Variants in PTPRD observed in about 807,000 individuals in gnomAD.
PTPRD encodes receptor-type tyrosine-protein phosphatase delta.
PTPRD carries 34 observed loss-of-function variants against 214.5 expected under a neutral mutation model. The observed-to-expected ratio is 0.16, with a 90% CI of 0.12 to 0.21. PTPRD has a LOEUF of 0.21. Among genes scored for constraint, PTPRD ranks in the 10% least tolerant of loss-of-function variants. The probability of loss-of-function intolerance (pLI) is 1.00; values close to 1 mark genes in which losing one functional copy is unlikely to be tolerated. For missense variants in PTPRD, 2,545 were observed against 2,398.7 expected (o/e 1.06, Z -1.27); for synonymous variants, 1,128 against 845.7 (o/e 1.33, Z -5.79).
intron 7 of PTPRD, among the ~76,000 whole-genome samples, chr9:9,606,372 T>G (rs2094153789): frequency 6.6e-6 from 1 of 152,106 alleles, no homozygotes; most frequent in South Asian, 2.1e-4. Context: ...CAGCAATTTC[T>G]TTAAAACATA....
rs569599203 is a variant in PTPRD at position 9,571,545 on chromosome 9, AG to A, written c.-237+3186del. Among the ~76,000 whole-genome samples the A allele has an allele frequency of 2.6e-3, 400 of 151,416 alleles. 1 individual carries two copies. Among genetic ancestry groups the A allele is most frequent in the African/African-American group, 9.2e-3 (382 of 41,504 alleles). ...TATTCTGATATTTTAATGATGCTGT[AG>A]AACATTCATATTGCATACTTTTGGT... is the stretch of plus-strand genomic sequence containing the variant. On this transcript the variant is annotated intron_variant, in intron 8 of 45. Coordinates refer to ENST00000381196, the MANE Select transcript of PTPRD (RefSeq NM_002839.4).
At chr9:8,805,438 C>CAA (rs1167740081) in intron 11 of PTPRD, among the ~76,000 whole-genome samples, 2 of 151,162 alleles carry the variant, frequency 1.3e-5, no homozygotes, top group African/African-American at 2.4e-5. Context: ...CATCTTTATA[C>CAA]AATAATCGTA....
intron 12 of PTPRD, among the ~76,000 whole-genome samples, chr9:8,661,155 CT>C (rs1239863560): frequency 6.6e-6 from 1 of 152,040 alleles, no homozygotes; most frequent in Admixed American, 6.6e-5. Flanking sequence ...CCCTTACAAG[CT>C]GAAGAGACAA....
chr9:9,218,876 C>T (rs1593839090), intron 9 of PTPRD, among the ~76,000 whole-genome samples: 1 of 152,092 alleles, frequency 6.6e-6, no homozygotes, highest in Non-Finnish European at 1.5e-5. Context: ...CTGCAACCTC[C>T]CTGGGGCATT....
intron 10 of PTPRD, among the ~76,000 whole-genome samples, chr9:9,161,090 A>C (rs575702279): frequency 6.6e-6 from 1 of 152,196 alleles, no homozygotes; most frequent in African/African-American, 2.4e-5. Context: ...AAGGGATACA[A>C]AGTTTTGGTT....
At chr9:8,340,531 C>T (rs1258160431) in intron 41 of PTPRD, 62 bp from the exon 42 acceptor site, 2 of 1,440,448 alleles carry the variant, frequency 1.4e-6, no homozygotes, top group Non-Finnish European at 1.9e-6. Context: ...AAAGCTCACA[C>T]TGGATACATA....
intron 3 of PTPRD, among the ~76,000 whole-genome samples, chr9:10,291,581 G>A (rs2095529584): frequency 6.6e-6 from 1 of 152,038 alleles, no homozygotes; most frequent in Admixed American, 6.6e-5. Context: ...ATGCTACACT[G>A]CTGGCTTTGA....
At chr9:9,781,794 C>CTT (rs1565214530) in intron 5 of PTPRD, among the ~76,000 whole-genome samples, 1 of 110,290 alleles carries the variant, frequency 9.1e-6, no homozygotes. Context: ...TGTCTGGACT[C>CTT]ATATTTTTTT....
chr9:9,991,832 CCA>C (rs56267970), intron 4 of PTPRD, among the ~76,000 whole-genome samples: 18,005 of 147,438 alleles, frequency 0.12, 1,123 homozygotes, highest in Middle Eastern at 0.15. Context: ...TTCAACAGCA[CCA>C]CACACACACA....
intron 8 of PTPRD, among the ~76,000 whole-genome samples, chr9:9,399,072 T>C (rs909733246): frequency 2.4e-5 from 2 of 84,864 alleles, no homozygotes; most frequent in African/African-American, 8.6e-5. Flanking sequence ...TAGTTACTCG[T>C]ATTAAGGTTT....
chr9:8,469,270 G>T (rs1267009943), intron 31 of PTPRD, among the ~76,000 whole-genome samples: 3 of 151,966 alleles, frequency 2.0e-5, no homozygotes, highest in Non-Finnish European at 2.9e-5. Flanking sequence ...TTAAAACCTG[G>T]CTACAAAAGA....
chr9:10,029,976 C>G (rs2097023372), intron 4 of PTPRD, among the ~76,000 whole-genome samples: 1 of 152,012 alleles, frequency 6.6e-6, no homozygotes, highest in South Asian at 2.1e-4. Flanking sequence ...TGCTGTTCTC[C>G]TGATAGTAAA....
At chr9:9,119,083 C>T (rs1001618012) in intron 10 of PTPRD, among the ~76,000 whole-genome samples, 1 of 152,160 alleles carries the variant, frequency 6.6e-6, no homozygotes, top group Non-Finnish European at 1.5e-5. Context: ...TCTTCAGCAA[C>T]ATGAAAAATA....
At chr9:10,269,625 TG>T (rs1564909338) in intron 3 of PTPRD, among the ~76,000 whole-genome samples, 2 of 152,002 alleles carry the variant, frequency 1.3e-5, no homozygotes, top group Admixed American at 1.3e-4. Context: ...TTGGTGAAGG[TG>T]GGTACCTTCC....
chr9:8,926,435 T>C (rs1011436645), intron 11 of PTPRD, among the ~76,000 whole-genome samples: 1 of 152,178 alleles, frequency 6.6e-6, no homozygotes, highest in African/African-American at 2.4e-5. Context: ...TTTTATCTCG[T>C]AGAGTTTTCT....
intron 44 of PTPRD, among the ~76,000 whole-genome samples, chr9:8,327,560 T>A (rs1835182802): frequency 6.6e-6 from 1 of 152,154 alleles, no homozygotes. Context: ...GTCTGCTTGG[T>A]CCAGAGCTGT....
intron 8 of PTPRD, among the ~76,000 whole-genome samples, chr9:9,554,092 G>C (rs982591697): frequency 1.3e-5 from 2 of 151,946 alleles, no homozygotes; most frequent in African/African-American, 2.4e-5. Context: ...CACCTTTTAC[G>C]CTTTCATATG....
chr9:9,263,022 CAT>C (rs1340099102), intron 9 of PTPRD, among the ~76,000 whole-genome samples: 1 of 151,534 alleles, frequency 6.6e-6, no homozygotes, highest in Non-Finnish European at 1.5e-5. Flanking sequence ...ATTTCACTTT[CAT>C]ATAATACCAA....
At chr9:10,002,331 A>AAT (rs3051049) in intron 4 of PTPRD, among the ~76,000 whole-genome samples, 29,435 of 144,300 alleles carry the variant, frequency 0.2, 3,613 homozygotes, top group East Asian at 0.51. Flanking sequence ...TTTAAATATA[A>AAT]ATATATATAT....
Sources: allele counts gnomAD v4.1 joint callset (sites outside exome capture counted in the v4.1 genomes callset), GRCh38; gene constraint gnomAD v4.1.1; transcripts MANE v1.5; gene names NCBI Gene and HGNC (gene_info 2026-07-23, HGNC 2026-07-21).